NLGN1: variants seen among roughly 807,000 people sequenced by gnomAD.
NLGN1 encodes the protein neuroligin-1.
NLGN1 carries 12 observed loss-of-function variants against 65.5 expected under a neutral mutation model. The ratio of observed to expected loss-of-function variants is 0.18; its 90% CI spans 0.12 to 0.30. The LOEUF (loss-of-function observed/expected upper bound fraction) is 0.30. NLGN1 is among the 10% of genes least tolerant of loss of function. NLGN1 has a pLI of 1.00. For missense variants in NLGN1, 750 were observed against 1,007.1 expected (o/e 0.74, Z 3.46); for synonymous variants, 350 against 359.5 (o/e 0.97, Z 0.30).
intron 4 of NLGN1, among the ~76,000 whole-genome samples, chr3:174,254,997 T>C (rs1745416526): frequency 6.6e-6 from 1 of 152,188 alleles, no homozygotes. Context: ...CTACTATATG[T>C]GTGGCACTTT....
intron 4 of NLGN1, among the ~76,000 whole-genome samples, chr3:174,018,244 A>G (rs1727021220): frequency 6.6e-6 from 1 of 152,120 alleles, no homozygotes; most frequent in African/African-American, 2.4e-5. Context: ...TCTTTTTTCA[A>G]GGTGCCCACA....
chr3:173,945,389 G>C (rs2152317248), intron 4 of NLGN1, among the ~76,000 whole-genome samples: 1 of 152,150 alleles, frequency 6.6e-6, no homozygotes, highest in Middle Eastern at 3.4e-3. Context: ...AGTGTGCAGA[G>C]CTGGCTGGAA....
chr3:173,563,763 C>T (rs769828224), intron 2 of NLGN1, among the ~76,000 whole-genome samples: 8 of 151,972 alleles, frequency 5.3e-5, no homozygotes, highest in Non-Finnish European at 1.0e-4. Context: ...CTTTCCTCAC[C>T]GCCTCTATTA....
In NLGN1 at chr3:173,938,858, A is replaced by G. The variant is rs571080524; in HGVS notation, c.646+131026A>G. Among the ~76,000 whole-genome samples the G allele has an allele frequency of 8.5e-5, 13 of 152,236 alleles. No individual in the cohort carries two copies. In the East Asian group the frequency reaches 2.3e-3, roughly 27 times the overall value. On this transcript the variant is annotated intron_variant, in intron 4 of 6. Transcript: ENST00000457714. ...ATTTATGACAGATGTCCTTAGTGGCAAGAGCAGGATTTAGGGATGGTGATC... is the reference window on the plus strand; with the variant it reads ...ATTTATGACAGATGTCCTTAGTGGCGAGAGCAGGATTTAGGGATGGTGATC...
At chr3:173,901,363 TTG>T (rs1491578448) in intron 4 of NLGN1, among the ~76,000 whole-genome samples, 2 of 133,372 alleles carry the variant, frequency 1.5e-5, no homozygotes, top group African/African-American at 2.8e-5. Context: ...AGTATTTTTT[TTG>T]GGGGGGTGTG....
rs1168161291 is a variant in NLGN1, at chr3:173,539,874, T to C, written c.-320-64405T>C. On this transcript the variant is annotated intron_variant, in intron 2 of 6. Coordinates refer to ENST00000457714, the Ensembl canonical transcript of NLGN1. ...ATATGTTATGTATGTGTTATATATA[T>C]CTTATATATATGTTATATATATGTT... Among the ~76,000 whole-genome samples the C allele has an allele frequency of 5.2e-5, 6 of 114,672 alleles. No individual in the cohort carries two copies. The Admixed American group carries it at 5.7e-4, about 11-fold the overall frequency. The allele number at this position is 114,672 out of a possible 152,430, so 75.2% of individuals were successfully genotyped here.
At chr3:173,964,887 TG>T (rs1714464457) in intron 4 of NLGN1, among the ~76,000 whole-genome samples, 2 of 152,204 alleles carry the variant, frequency 1.3e-5, no homozygotes, top group African/African-American at 2.4e-5. Flanking sequence ...GGAAATCACA[TG>T]GATCAGTAAG....
chr3:173,563,357 C>T (rs2149305076), intron 2 of NLGN1, among the ~76,000 whole-genome samples: 1 of 152,268 alleles, frequency 6.6e-6, no homozygotes. Flanking sequence ...CCCATCCTCA[C>T]CTGAGAAAAT....
At chr3:174,293,258 T>C in the NLGN1 span, among the ~76,000 whole-genome samples, 1 of 151,426 alleles carries the variant, frequency 6.6e-6, no homozygotes, top group Non-Finnish European at 1.5e-5. Context: ...TCTCTTAATC[T>C]GGGTGTTTTT....
chr3:174,078,674 G>A (rs1387091881), intron 4 of NLGN1, among the ~76,000 whole-genome samples: 7 of 152,206 alleles, frequency 4.6e-5, no homozygotes, highest in Middle Eastern at 3.4e-3. Flanking sequence ...TTTTTGAGAC[G>A]CAGGTTCTTT....
chr3:173,539,591 TTATATAA>T (rs1175241867), intron 2 of NLGN1, among the ~76,000 whole-genome samples: 1 of 140,206 alleles, frequency 7.1e-6, no homozygotes, highest in Non-Finnish European at 1.5e-5. Flanking sequence ...GTTATATATG[TTATATAA>T]TATATGTATG....
chr3:174,238,650 G>A (rs142809348), intron 4 of NLGN1, among the ~76,000 whole-genome samples: 15 of 152,242 alleles, frequency 9.9e-5, no homozygotes, highest in African/African-American at 1.7e-4. Context: ...GTGAGACACC[G>A]CGCCCAGCCT....
intron 4 of NLGN1, among the ~76,000 whole-genome samples, chr3:174,151,451 T>C (rs957819358): frequency 3.3e-5 from 5 of 152,188 alleles, no homozygotes; most frequent in African/African-American, 4.8e-5. Flanking sequence ...TTAAAATTTC[T>C]TCTGACATCT....
intron 4 of NLGN1, among the ~76,000 whole-genome samples, chr3:174,027,473 A>G (rs1378642508): frequency 6.6e-6 from 1 of 152,166 alleles, no homozygotes; most frequent in East Asian, 1.9e-4. Context: ...ACAGGTCCAC[A>G]ATCTCTTTGG....
At chr3:173,586,994 G>A (rs1747563821) in intron 2 of NLGN1, among the ~76,000 whole-genome samples, 1 of 152,236 alleles carries the variant, frequency 6.6e-6, no homozygotes, top group Non-Finnish European at 1.5e-5. Context: ...GTGAGTGGTA[G>A]GTGGGTTGGA....
intron 4 of NLGN1, among the ~76,000 whole-genome samples, chr3:174,183,247 A>G (rs909724978): frequency 6.6e-6 from 1 of 152,150 alleles, no homozygotes; most frequent in African/African-American, 2.4e-5. Context: ...TTCTCCTGCC[A>G]GGCAGAGTTA....
At chr3:173,625,176 T>C (rs1754633714) in intron 3 of NLGN1, among the ~76,000 whole-genome samples, 1 of 152,118 alleles carries the variant, frequency 6.6e-6, no homozygotes. Context: ...CTTTTTTAAT[T>C]TTGCAGAAAA....
chr3:173,498,944 C>G (rs1461204000), intron 2 of NLGN1, among the ~76,000 whole-genome samples: 2 of 151,430 alleles, frequency 1.3e-5, no homozygotes, highest in South Asian at 2.1e-4. Flanking sequence ...ATTGTAGATT[C>G]TGGATATTAG....
chr3:174,156,817 C>G (rs1725532597), intron 4 of NLGN1, among the ~76,000 whole-genome samples: 1 of 151,620 alleles, frequency 6.6e-6, no homozygotes, highest in African/African-American at 2.4e-5. Flanking sequence ...TATTGCAAAG[C>G]TACGTGGCAA....
Sources: allele counts gnomAD v4.1 joint callset (sites outside exome capture counted in the v4.1 genomes callset), GRCh38; gene constraint gnomAD v4.1.1; transcripts MANE v1.5; gene names NCBI Gene and HGNC (gene_info 2026-07-23, HGNC 2026-07-21).